MEMO1: variants seen among roughly 807,000 people sequenced by gnomAD.
The protein encoded by MEMO1 is mediator of cell motility 1, also known as protein MEMO1.
MEMO1 carries 6 observed loss-of-function variants against 45.2 expected under a neutral mutation model. The ratio of observed to expected loss-of-function variants is 0.13; its 90% confidence interval spans 0.07 to 0.26. The LOEUF is 0.26. Ranked by LOEUF, MEMO1 falls within the 10% of genes least tolerant of loss-of-function variation. The probability of loss-of-function intolerance (pLI) is 1.00; values close to 1 mark genes in which losing one functional copy is unlikely to be tolerated. For missense variants in MEMO1, 184 were observed against 370.5 expected, an observed-to-expected ratio of 0.50 and a Z score of 4.13; for synonymous variants, 78 against 124.3, an observed-to-expected ratio of 0.63 and a Z score of 2.48.
At chr2:31,950,583 C>G (rs971818853) in intron 2 of MEMO1, among the ~76,000 whole-genome samples, 1 of 151,294 alleles carries the variant, frequency 6.6e-6, no homozygotes, top group Non-Finnish European at 1.5e-5. Context: ...ACTAGCCAGG[C>G]ATGGTGGCGC....
intron 2 of MEMO1, among the ~76,000 whole-genome samples, chr2:31,954,260 A>C (rs1348476806): frequency 6.6e-6 from 1 of 152,108 alleles, no homozygotes; most frequent in East Asian, 1.9e-4. Flanking sequence ...CTTTTTAACT[A>C]ATGGGGTATG....
chr2:31,881,549 T>C (rs1675373840), intron 8 of MEMO1, among the ~76,000 whole-genome samples: 1 of 124,524 alleles, frequency 8.0e-6, no homozygotes. Context: ...AAAATCCAAA[T>C]GGCCCAAAAA....
chr2:31,884,923 T>G (rs1050491031), intron 7 of MEMO1, among the ~76,000 whole-genome samples: 1 of 150,636 alleles, frequency 6.6e-6, no homozygotes, highest in African/African-American at 2.4e-5. Context: ...AGATCAACTA[T>G]AGTCTTTGAA....
chr2:31,878,055 T>C (rs1047477168), intron 8 of MEMO1, among the ~76,000 whole-genome samples: 6 of 152,146 alleles, frequency 3.9e-5, no homozygotes, highest in African/African-American at 7.2e-5. Context: ...TACGGTGGAC[T>C]GGGAATGCTG....
At chr2:31,952,874 T>C (rs1464539089) in intron 2 of MEMO1, among the ~76,000 whole-genome samples, 3 of 152,170 alleles carry the variant, frequency 2.0e-5, no homozygotes, top group Non-Finnish European at 4.4e-5. Context: ...CCTACTTTTA[T>C]TTACATAACA....
At chr2:31,970,815 C>G (rs562675053) in intron 2 of MEMO1, among the ~76,000 whole-genome samples, 24 of 152,206 alleles carry the variant, frequency 1.6e-4, no homozygotes, top group African/African-American at 5.8e-4. Flanking sequence ...ACCAGCCTGG[C>G]CAACGTGGTG....
intron 2 of MEMO1, among the ~76,000 whole-genome samples, chr2:31,990,500 C>T (rs1031800181): frequency 2.7e-5 from 4 of 150,348 alleles, no homozygotes; most frequent in South Asian, 2.1e-4. Flanking sequence ...CACCCAGGCT[C>T]GAGTGCAGTG....
intron 4 of MEMO1, among the ~76,000 whole-genome samples, chr2:31,927,462 CT>C (rs2148221224): frequency 6.6e-6 from 1 of 152,200 alleles, no homozygotes; most frequent in African/African-American, 2.4e-5. Flanking sequence ...TACACTACTC[CT>C]CTTCCTTTTC....
chr2:31,994,466 C>A (rs1313478012), intron 2 of MEMO1, among the ~76,000 whole-genome samples: 2 of 150,872 alleles, frequency 1.3e-5, no homozygotes, highest in Admixed American at 6.6e-5. Context: ...CCCATCTCTA[C>A]TAAAAATACA....
At chr2:31,917,607 A>C (rs1681657591) in intron 6 of MEMO1, among the ~76,000 whole-genome samples, 1 of 152,222 alleles carries the variant, frequency 6.6e-6, no homozygotes. Context: ...AAAAGAATGT[A>C]ATTATTATTC....
chr2:31,901,010 C>G (rs377625315), intron 6 of MEMO1, among the ~76,000 whole-genome samples: 15 of 152,138 alleles, frequency 9.9e-5, no homozygotes, highest in Non-Finnish European at 1.9e-4. Flanking sequence ...TGGAAATGTT[C>G]AATAGTTTAT....
intron 2 of MEMO1, among the ~76,000 whole-genome samples, chr2:31,959,159 A>C (rs1667717643): frequency 6.6e-6 from 1 of 152,248 alleles, no homozygotes; most frequent in Admixed American, 6.5e-5. Flanking sequence ...CAAGGCAACC[A>C]GCTGAATATT....
In MEMO1 at chr2:31,960,131, A is replaced by T. The variant is rs115880952; in HGVS notation, c.62-16748T>A. On this transcript the variant is annotated intron_variant, in intron 2 of 9. Coordinates refer to ENST00000404530, the MANE Select transcript of MEMO1 (RefSeq NM_001301833.4). ...AGAACTGCTTGGACCTAGGAGGCAG[A>T]AGTTGCAGTGAGTCGATATCACGCC... 8.2e-3 allele frequency among the ~76,000 whole-genome samples: 1,248 copies of T among 152,158 alleles called. 23 individuals carry two copies. The highest frequency in any genetic ancestry group is 0.028 in the African/African-American group (1,170 of 41,494).
At chr2:31,879,618 A>T (rs78408748) in intron 8 of MEMO1, among the ~76,000 whole-genome samples, 1,581 of 152,294 alleles carry the variant, frequency 0.01, 38 homozygotes, top group East Asian at 0.084. Flanking sequence ...TAAACAGGTA[A>T]AATTAATTTT....
chr2:32,008,590 A>G (rs568932269), intron 2 of MEMO1, among the ~76,000 whole-genome samples: 3 of 150,472 alleles, frequency 2.0e-5, no homozygotes, highest in South Asian at 2.1e-4. Context: ...TCTAGAGAGG[A>G]AAAAAAAAAC....
At chr2:32,002,101 C>T (rs1040330829) in intron 2 of MEMO1, among the ~76,000 whole-genome samples, 1 of 140,558 alleles carries the variant, frequency 7.1e-6, no homozygotes, top group African/African-American at 2.7e-5. Context: ...GCTGAGATCT[C>T]GCCAGTGCCC....
chr2:31,901,170 C>A (rs747391045), intron 6 of MEMO1, among the ~76,000 whole-genome samples: 1 of 151,714 alleles, frequency 6.6e-6, no homozygotes, highest in Non-Finnish European at 1.5e-5. Flanking sequence ...CTCAGGAGTT[C>A]GAGACCAACC....
chr2:31,933,339 A>AT (rs1558514104), intron 3 of MEMO1, among the ~76,000 whole-genome samples: 15 of 66,786 alleles, frequency 2.2e-4, no homozygotes, highest in African/African-American at 9.9e-4. Flanking sequence ...AAAAAAAAAA[A>AT]AAAAAAAAAA....
At chr2:32,002,142 C>T (rs1315419441) in intron 2 of MEMO1, among the ~76,000 whole-genome samples, 1 of 56,248 alleles carries the variant, frequency 1.8e-5, no homozygotes, top group Non-Finnish European at 3.0e-5. Context: ...GAGACTCTGT[C>T]TCAAAAAAAA....
Sources: gnomAD v4.1 joint callset for allele counts (sites outside exome capture counted in the v4.1 genomes callset) on GRCh38, gnomAD v4.1.1 for gene constraint, MANE v1.5 for transcripts, NCBI Gene and HGNC (gene_info 2026-07-23, HGNC 2026-07-21) for gene names.